DGKH: variants seen among roughly 807,000 people sequenced by gnomAD.
The protein encoded by DGKH is diacylglycerol kinase eta.
In DGKH, 90 loss-of-function variants were observed where a neutral mutation model predicts 159.3. The observed-to-expected ratio is 0.57, with a 90% CI of 0.48 to 0.67. The LOEUF is 0.67. Among genes scored for constraint, DGKH ranks in the 30% least tolerant of loss-of-function variants. The pLI is 0.00. For synonymous variants in DGKH, 536 were observed against 553.8 expected (o/e 0.97, Z 0.45); for missense variants, 1,181 against 1,506.1 (o/e 0.78, Z 3.57).
chr13:42,112,416 G>GGACT (rs1954880888), intron 1 of DGKH, among the ~76,000 whole-genome samples: 2 of 152,070 alleles, frequency 1.3e-5, no homozygotes, highest in South Asian at 4.1e-4. Flanking sequence ...TGAGTAGGTG[G>GGACT]GACTACAAGA....
chr13:42,219,389 A>G (rs376047156), intron 27 of DGKH, 40 bp downstream of exon 27: 22 of 1,600,496 alleles, frequency 1.4e-5, no homozygotes, highest in Non-Finnish European at 1.9e-5. Flanking sequence ...AATGTAGACC[A>G]TATTGCTATA....
intron 6 of DGKH, 144 bp from the exon 7 acceptor site, chr13:42,159,867 C>T (rs1183725272): frequency 7.6e-6 from 9 of 1,186,210 alleles, no homozygotes; most frequent in Middle Eastern, 2.9e-4. Context: ...AATAGATGCT[C>T]AATAAACGTG....
rs149875106 is a variant in DGKH at position 42,230,645 on chromosome 13, G to T, written c.*1457G>T. ...GAAGTAGCCTGCTAGGTGCTTAATA[G>T]ATATATATACACACAGATATATACA... is the stretch of plus-strand genomic sequence containing the variant. On this transcript the variant is annotated 3_prime_UTR_variant, in exon 30 of 30. Transcript: ENST00000337343. 1 of 151,754 alleles carries T rather than the reference G, an allele frequency of 6.6e-6. No individual in the cohort carries two copies. Among genetic ancestry groups the T allele is most frequent in the East Asian group, 1.9e-4 (1 of 5,142 alleles). 9.4% of individuals were successfully genotyped at this position (151,754 alleles called of 1,614,324 possible). A position where few individuals can be genotyped will look rare whatever the true frequency, so the allele number is the denominator to read the frequency against.
intron 7 of DGKH, among the ~76,000 whole-genome samples, 168 bp from the exon 8 acceptor site, chr13:42,165,163 A>G (rs1956280246): frequency 6.6e-6 from 1 of 152,108 alleles, no homozygotes. Context: ...CATTTCTAAA[A>G]TGTTTAGTCA....
At chr13:42,116,906 T>C (rs1954978531) in intron 1 of DGKH, among the ~76,000 whole-genome samples, 1 of 152,256 alleles carries the variant, frequency 6.6e-6, no homozygotes, top group Non-Finnish European at 1.5e-5. Flanking sequence ...GTAATGCTTT[T>C]ATTTTTGGAA....
At chr13:42,164,016 A>G (rs916015912) in intron 7 of DGKH, among the ~76,000 whole-genome samples, 1 of 152,130 alleles carries the variant, frequency 6.6e-6, no homozygotes, top group Non-Finnish European at 1.5e-5. Flanking sequence ...TAAGTCTTTA[A>G]TCCATCTTGA....
intron 1 of DGKH, among the ~76,000 whole-genome samples, chr13:42,080,799 G>A (rs1451593829): frequency 6.6e-6 from 1 of 151,394 alleles, no homozygotes; most frequent in Non-Finnish European, 1.5e-5. Context: ...AGCTTTCCTC[G>A]GAAGATTTTT....
At chr13:42,116,765 T>G (rs1191120295) in intron 1 of DGKH, among the ~76,000 whole-genome samples, 1 of 152,362 alleles carries the variant, frequency 6.6e-6, no homozygotes, top group East Asian at 1.9e-4. Flanking sequence ...TCCATGTGTG[T>G]ATATAATTTA....
intron 3 of DGKH, among the ~76,000 whole-genome samples, chr13:42,131,900 CT>C: frequency 6.6e-6 from 1 of 152,326 alleles, no homozygotes; most frequent in East Asian, 1.9e-4. Flanking sequence ...CCAACAACCA[CT>C]AAATGCAGAG....
intron 1 of DGKH, among the ~76,000 whole-genome samples, chr13:42,043,257 C>CT (rs1880619605): frequency 6.6e-6 from 1 of 152,168 alleles, no homozygotes; most frequent in Admixed American, 6.5e-5. Context: ...CCACAGATTT[C>CT]TTTAAGACCA....
intron 1 of DGKH, chr13:42,070,119 A>G: frequency 1.0e-6 from 1 of 960,128 alleles, no homozygotes; most frequent in Non-Finnish European, 1.7e-6. Flanking sequence ...AAATTGGCTT[A>G]TCCATTGGAA....
chr13:42,064,632 C>G (rs1882427633), intron 1 of DGKH, among the ~76,000 whole-genome samples: 1 of 151,758 alleles, frequency 6.6e-6, no homozygotes, highest in African/African-American at 2.4e-5. Context: ...AGGTTAAGTC[C>G]AAGAATTAAA....
intron 20 of DGKH, among the ~76,000 whole-genome samples, chr13:42,200,528 A>G (rs1220618263): frequency 1.3e-5 from 2 of 152,146 alleles, no homozygotes; most frequent in Non-Finnish European, 2.9e-5. Flanking sequence ...TTGATCCAGG[A>G]CTCACTGTTT....
At chr13:42,051,791 G>A (rs991962365) in intron 1 of DGKH, among the ~76,000 whole-genome samples, 3 of 150,896 alleles carry the variant, frequency 2.0e-5, no homozygotes, top group Non-Finnish European at 2.9e-5. Context: ...TCAGCCTCCC[G>A]AGTAGCTGGG....
At chr13:42,226,910 C>T (rs1216319202) in intron 29 of DGKH, among the ~76,000 whole-genome samples, 1 of 151,456 alleles carries the variant, frequency 6.6e-6, no homozygotes. Flanking sequence ...TATATATACA[C>T]CATGGAATAC....
At chr13:42,227,755 T>C (rs1958171420) in intron 29 of DGKH, among the ~76,000 whole-genome samples, 1 of 152,206 alleles carries the variant, frequency 6.6e-6, no homozygotes, top group African/African-American at 2.4e-5. Context: ...GAAAGAGTAT[T>C]TTCCAGAAGG....
chr13:42,208,879 G>T (rs904026706), intron 21 of DGKH, 80 bp from the exon 22 acceptor site: 13 of 417,836 alleles, frequency 3.1e-5, no homozygotes, highest in East Asian at 4.9e-5. Flanking sequence ...AATATATGTA[G>T]ATATATATTG....
At chr13:42,191,049 C>T (rs760126417) in intron 16 of DGKH, among the ~76,000 whole-genome samples, 4 of 152,162 alleles carry the variant, frequency 2.6e-5, no homozygotes, top group Non-Finnish European at 5.9e-5. Context: ...CTTCTAATTA[C>T]AGCCCTTGCT....
intron 28 of DGKH, among the ~76,000 whole-genome samples, chr13:42,220,819 A>G (rs963389384): frequency 6.6e-6 from 1 of 152,186 alleles, no homozygotes; most frequent in Non-Finnish European, 1.5e-5. Flanking sequence ...CTTAAGCAGA[A>G]AAGTCTGTGT....
Sources: gnomAD v4.1 joint callset for allele counts (sites outside exome capture counted in the v4.1 genomes callset) on GRCh38, gnomAD v4.1.1 for gene constraint, MANE v1.5 for transcripts, NCBI Gene and HGNC (gene_info 2026-07-23, HGNC 2026-07-21) for gene names.